Variants in MGAM2 observed in about 807,000 individuals in gnomAD.
MGAM2 encodes the protein maltase-glucoamylase 2 (putative).
In MGAM2, 98 loss-of-function variants were observed where a neutral mutation model predicts 96.1. That is an observed-to-expected ratio of 1.02 (90% confidence interval 0.87 to 1.21). MGAM2 has a LOEUF of 1.21. MGAM2 is among the 50% of genes most tolerant of loss of function. MGAM2 has a pLI of 0.00. For synonymous variants in MGAM2, 749 were observed against 414.8 expected, an observed-to-expected ratio of 1.81 and a Z score of -9.79; for missense variants, 2,055 against 1,182.4, an observed-to-expected ratio of 1.74 and a Z score of -10.82.
rs73545375 is a variant in MGAM2, at chr7:142,152,909, G to T, written c.1635-1109G>T. Reference sequence around the variant, plus strand: ...GGCAAACAGCCCACATCCAACCATAGGTCACCCCACTGTATGTTCATCTGT... The same window carrying T: ...GGCAAACAGCCCACATCCAACCATATGTCACCCCACTGTATGTTCATCTGT... On this transcript the variant is annotated intron_variant, in intron 15 of 47. Transcript: ENST00000477922. Among the ~76,000 whole-genome samples, 864 of 152,068 alleles carry T rather than the reference G, an allele frequency of 5.7e-3. 8 individuals are homozygous for T. The highest frequency in any genetic ancestry group is 0.018 in the African/African-American group (763 of 41,502).
intron 6 of MGAM2, among the ~76,000 whole-genome samples, 198 bp downstream of exon 6, chr7:142,132,283 C>T (rs1794911977): frequency 6.8e-6 from 1 of 147,880 alleles, no homozygotes; most frequent in African/African-American, 2.5e-5. Context: ...AAAGGTAATA[C>T]TAAAATGTTT....
Position 142,197,542 on chromosome 7 carries a change from T to A in MGAM2, c.4775T>A (p.Leu1592His). 1.4e-6 allele frequency: 1 copy of A among 703,228 alleles called. No individual in the cohort carries two copies. The highest frequency in any genetic ancestry group is 2.6e-6 in the Non-Finnish European group (1 of 385,050). The allele number at this position is 703,228 out of a possible 1,614,324, so 43.6% of individuals were successfully genotyped here. The change falls in exon 41 of 48, where the codon CTC (leucine) becomes CAC (histidine). Residue 1592 changes from leucine (L) to histidine (H), a missense_variant. By Grantham distance (99) the Leu-to-His change is moderately conservative (BLOSUM62 -3). Coordinates refer to ENST00000477922, the MANE Select transcript of MGAM2 (RefSeq NM_001293626.2). ...VEGSTVVRPL[L>H]HEFTDDRTTW... The stretch of plus-strand genomic sequence containing the variant: ...GGCAGCACAGTTGTCCGGCCCCTTC[T>A]CCATGAGTGAGTACAGCCTCTTTCC...
chr7:142,192,687 C>T (rs1396118650), intron 37 of MGAM2, among the ~76,000 whole-genome samples: 1 of 152,164 alleles, frequency 6.6e-6, no homozygotes, highest in Non-Finnish European at 1.5e-5. Flanking sequence ...CATGCACCAT[C>T]CCCTCCTCTC....
intron 37 of MGAM2, among the ~76,000 whole-genome samples, chr7:142,192,418 G>A (rs1796898210): frequency 6.6e-6 from 1 of 152,126 alleles, no homozygotes; most frequent in Admixed American, 6.6e-5. Context: ...TACCTTGGAA[G>A]AGTACAAGGA....
intron 26 of MGAM2, among the ~76,000 whole-genome samples, chr7:142,169,432 A>T (rs893691084): frequency 6.6e-6 from 1 of 151,386 alleles, no homozygotes; most frequent in African/African-American, 2.4e-5. Flanking sequence ...AAATAAAAAT[A>T]AAAAAAAAGA....
rs1796073396 is a variant in MGAM2 at position 142,167,811 on chromosome 7, A to G, written c.3027+325A>G. Among the ~76,000 whole-genome samples, 3 of 152,038 alleles carry G rather than the reference A, an allele frequency of 2.0e-5. No homozygotes were observed. The South Asian group carries it at 6.2e-4, about 32-fold the overall frequency. On this transcript the variant is annotated intron_variant, in intron 26 of 47. Transcript: ENST00000477922. Reference sequence around the variant, plus strand: ...GGTCTCAAATGTCTAACCTCAAGCAATCCACCTCCCTCTGCCTCCCAAAGT... The same window carrying G: ...GGTCTCAAATGTCTAACCTCAAGCAGTCCACCTCCCTCTGCCTCCCAAAGT...
intron 44 of MGAM2, 52 bp from the exon 45 acceptor site, chr7:142,199,828 T>A: frequency 1.5e-6 from 1 of 649,884 alleles, no homozygotes; most frequent in South Asian, 1.8e-5. Flanking sequence ...TGTTCTTTAT[T>A]CTTACAACCT....
rs376908510 is a variant in MGAM2, at chr7:142,143,785, C to T, written c.1334C>T (p.Thr445Ile). ...GTGTCCTAGGGATATCCGGGACCGACAGTCTTTCCCGATTATACCAATCCA... is the reference window on the plus strand; with the variant it reads ...GTGTCCTAGGGATATCCGGGACCGATAGTCTTTCCCGATTATACCAATCCA... Reference protein sequence around the residue: ...FAVGEGYPGPTVFPDYTNPVC... With the variant: ...FAVGEGYPGPIVFPDYTNPVC... The change falls in exon 13 of 48, where the codon ACA becomes ATA. Residue 445 changes from threonine (T) to isoleucine (I), a missense_variant. By Grantham distance (89) the Thr-to-Ile change is moderately conservative (BLOSUM62 -1). Coordinates refer to ENST00000477922, the MANE Select transcript of MGAM2 (RefSeq NM_001293626.2). 34 of 679,448 alleles carry T rather than the reference C, an allele frequency of 5.0e-5. No individual in the cohort carries two copies. The highest frequency in any genetic ancestry group is 3.8e-4 in the South Asian group (24 of 63,154). 42.1% of individuals were successfully genotyped at this position (679,448 alleles called of 1,614,324 possible).
chr7:142,190,227 G>GAAATTTCTC (rs1796827330), intron 37 of MGAM2, among the ~76,000 whole-genome samples: 1 of 146,472 alleles, frequency 6.8e-6, no homozygotes, highest in Non-Finnish European at 1.5e-5. Flanking sequence ...ATATTTTGAA[G>GAAATTTCTC]AAATATCAAG....
chr7:142,119,231 T>A (rs368522588), intron 2 of MGAM2, among the ~76,000 whole-genome samples: 81 of 147,738 alleles, frequency 5.5e-4, no homozygotes, highest in African/African-American at 1.8e-3. Flanking sequence ...AATCCAAATT[T>A]AAAAAAAAAA....
chr7:142,159,114 T>G (rs576076072), intron 19 of MGAM2, among the ~76,000 whole-genome samples, 173 bp from the exon 20 acceptor site: 1 of 152,328 alleles, frequency 6.6e-6, no homozygotes, highest in Admixed American at 6.5e-5. Context: ...AGCTACATTC[T>G]GCTTTGGGTA....
chr7:142,149,819 G>A (rs1435575067), intron 15 of MGAM2, among the ~76,000 whole-genome samples: 2 of 152,144 alleles, frequency 1.3e-5, no homozygotes, highest in East Asian at 1.9e-4. Context: ...GGGATTACAG[G>A]CGTGAGCCAC....
At chr7:142,121,360 T>C (rs1025215523) in intron 3 of MGAM2, among the ~76,000 whole-genome samples, 16 of 150,844 alleles carry the variant, frequency 1.1e-4, no homozygotes, top group African/African-American at 3.6e-4. Flanking sequence ...GTATTTTTAG[T>C]AGAGGCAGGG....
intron 17 of MGAM2, among the ~76,000 whole-genome samples, chr7:142,156,080 G>A (rs892434322): frequency 1.1e-4 from 16 of 152,112 alleles, no homozygotes; most frequent in African/African-American, 3.6e-4. Flanking sequence ...GGGAGGCAGA[G>A]GTTGTGGTGT....
intron 32 of MGAM2, among the ~76,000 whole-genome samples, chr7:142,176,866 A>G (rs12536504): frequency 0.19 from 28,745 of 152,156 alleles, 2,992 homozygotes; most frequent in East Asian, 0.34. Context: ...GAGAAACACC[A>G]ATGCATTCTT....
chr7:142,183,197 A>C, intron 32 of MGAM2, 69 bp from the exon 33 acceptor site: 1 of 661,598 alleles, frequency 1.5e-6, no homozygotes, highest in East Asian at 2.7e-5. Context: ...TGAACTACTA[A>C]ATTTTTGGAG....
At chr7:142,175,913 A>G in intron 32 of MGAM2, 133 bp downstream of exon 32, 1 of 452,488 alleles carries the variant, frequency 2.2e-6, no homozygotes, top group Non-Finnish European at 3.9e-6. Context: ...TTGTTTTGCA[A>G]CTTCTTGTGG....
rs1817277099 is a variant in MGAM2, at chr7:142,114,153, GGAA to G, written c.-1+2347_-1+2349del. Among the ~76,000 whole-genome samples, 5 of 87,032 alleles carry G rather than the reference GGAA, an allele frequency of 5.7e-5. 1 individual carries two copies. Among genetic ancestry groups the G allele is most frequent in the Admixed American group, 1.5e-4 (1 of 6,740 alleles). 57.1% of individuals were successfully genotyped at this position (87,032 alleles called of 152,430 possible). ...CTCAAAAAAAGAAAGAAAGAAAGAA[GGAA>G]AGAAAGAAAGAAAGAAAGAAAGAAA... is the stretch of plus-strand genomic sequence containing the variant. On this transcript the variant is annotated intron_variant, in intron 1 of 47. Coordinates refer to ENST00000477922, the MANE Select transcript of MGAM2 (RefSeq NM_001293626.2).
chr7:142,137,528 G>C lies in MGAM2; in HGVS notation c.943G>C (p.Val315Leu). The stretch of plus-strand genomic sequence containing the variant: ...CCTAGGAAACACTCCAGAACAAGTG[G>C]TTCAGGAATACTTGGAGGTATGTCT... ...VFLGNTPEQV[V>L]QEYLELVGRP... Residue 315 changes from valine (V) to leucine (L), a missense_variant, in exon 9 of 48, where the codon GTT (valine) becomes CTT (leucine). Coordinates refer to ENST00000477922, the MANE Select transcript of MGAM2 (RefSeq NM_001293626.2). The C allele has an allele frequency of 1.4e-6, 1 of 699,762 alleles. No homozygotes were observed. 43.3% of individuals were successfully genotyped at this position (699,762 alleles called of 1,614,324 possible). A position where few individuals can be genotyped will look rare whatever the true frequency, so the allele number is the denominator to read the frequency against.
Sources: gnomAD v4.1 joint callset for allele counts (sites outside exome capture counted in the v4.1 genomes callset) on GRCh38, gnomAD v4.1.1 for gene constraint, MANE v1.5 for transcripts, NCBI Gene and HGNC (gene_info 2026-07-23, HGNC 2026-07-21) for gene names.